ANK3: variants seen among roughly 807,000 people sequenced by gnomAD.
ANK3 encodes the protein ankyrin-3.
Under a neutral mutation model 370.9 loss-of-function variants are expected in ANK3, and 57 were observed. The observed-to-expected ratio is 0.15, with a 90% CI of 0.12 to 0.19. The LOEUF (loss-of-function observed/expected upper bound fraction) is 0.19, where lower values mean the gene tolerates loss of function less well. Ranked by LOEUF, ANK3 falls within the 10% of genes least tolerant of loss-of-function variation. ANK3 has a pLI of 1.00. For missense variants in ANK3, 4,439 were observed against 5,302.1 expected (o/e 0.84, Z 5.06); for synonymous variants, 1,929 against 1,946.3 (o/e 0.99, Z 0.23).
intron 1 of ANK3, among the ~76,000 whole-genome samples, chr10:60,682,053 G>A (rs1390458673): frequency 4.6e-5 from 7 of 152,104 alleles, no homozygotes; most frequent in Admixed American, 1.3e-4. Context: ...AGGCTGAGGC[G>A]AGAGGACTGC....
Position 60,600,592 on chromosome 10 carries a change from A to T in ANK3, c.96+14594T>A, listed in dbSNP as rs541917417. On this transcript the variant is annotated intron_variant, in intron 2 of 43. Coordinates refer to the ANK3 transcript ENST00000373827. Reference sequence around the variant, plus strand: ...CTCTGTGTCTCCCACTAGAAATATGAACCTTCTCATAGCAGGCATCTAATT... The same window carrying T: ...CTCTGTGTCTCCCACTAGAAATATGTACCTTCTCATAGCAGGCATCTAATT... 2.6e-5 allele frequency among the ~76,000 whole-genome samples: 4 copies of T among 152,320 alleles called. No homozygotes were observed. In the South Asian group the frequency reaches 6.2e-4, roughly 24 times the overall value.
intron 2 of ANK3, among the ~76,000 whole-genome samples, chr10:60,613,679 T>A (rs900933481): frequency 1.3e-5 from 2 of 151,870 alleles, no homozygotes; most frequent in African/African-American, 4.8e-5. Context: ...AATGTCAAAG[T>A]CTTACTAGAC....
intron 1 of ANK3, chr10:60,684,806 A>G: frequency 6.5e-7 from 1 of 1,540,478 alleles, no homozygotes; most frequent in Middle Eastern, 2.4e-4. Flanking sequence ...TTTCTTATGG[A>G]CTCTGTTGAT....
At chr10:60,188,164 A>C (rs1008354980) in intron 16 of ANK3, among the ~76,000 whole-genome samples, 1 of 152,232 alleles carries the variant, frequency 6.6e-6, no homozygotes, top group African/African-American at 2.4e-5. Context: ...TCAGGTTTTG[A>C]ATCAAGAGTA....
At chr10:60,656,961 A>T (rs2078873018) in intron 1 of ANK3, among the ~76,000 whole-genome samples, 1 of 151,804 alleles carries the variant, frequency 6.6e-6, no homozygotes, top group Non-Finnish European at 1.5e-5. Flanking sequence ...GTTTTAAGAG[A>T]TGTATTAGTC....
chr10:60,723,981 C>T (rs373692744), intron 1 of ANK3, among the ~76,000 whole-genome samples: 30 of 150,438 alleles, frequency 2.0e-4, no homozygotes, highest in South Asian at 1.5e-3. Context: ...GAGGCCGAGG[C>T]GGGCTGATCA....
At chr10:60,133,739 G>A (rs2094206723) in intron 25 of ANK3, among the ~76,000 whole-genome samples, 2 of 152,234 alleles carry the variant, frequency 1.3e-5, no homozygotes, top group South Asian at 4.1e-4. Flanking sequence ...TGGCCAACAT[G>A]GTGAAACCCC....
At chr10:60,195,538 C>T (rs754277549) in intron 16 of ANK3, among the ~76,000 whole-genome samples, 57 of 152,216 alleles carry the variant, frequency 3.7e-4, no homozygotes, top group Non-Finnish European at 5.9e-4. Context: ...CAATAGGAAG[C>T]TTATTAAACC....
At chr10:60,102,779 A>G (rs1353880398) in intron 28 of ANK3, among the ~76,000 whole-genome samples, 1 of 152,202 alleles carries the variant, frequency 6.6e-6, no homozygotes, top group African/African-American at 2.4e-5. Context: ...ACTGGTTATA[A>G]AAGTGGCATG....
chr10:60,227,167 T>C (rs1307492670), intron 8 of ANK3, among the ~76,000 whole-genome samples: 1 of 152,000 alleles, frequency 6.6e-6, no homozygotes, highest in African/African-American at 2.4e-5. Flanking sequence ...TAATTTTTAG[T>C]AGATATAAAT....
At chr10:60,046,551 T>TATTCATTGACTTAG (rs1011822862) in intron 42 of ANK3, among the ~76,000 whole-genome samples, 1 of 152,150 alleles carries the variant, frequency 6.6e-6, no homozygotes, top group African/African-American at 2.4e-5. Context: ...TACAAGTATG[T>TATTCATTGACTTAG]ATTCATTGAC....
At chr10:60,093,456 A>G (rs2132044199) in intron 28 of ANK3, among the ~76,000 whole-genome samples, 1 of 152,316 alleles carries the variant, frequency 6.6e-6, no homozygotes, top group South Asian at 2.1e-4. Context: ...GTATCCTGTG[A>G]GTATGAAATT....
At position 60,261,901 on chromosome 10, in the gene ANK3, C is replaced by T. The variant is rs117266082; in HGVS notation, c.756G>A (p.Thr252=). ...CAGCAGCCGCTCGGTTTAACAGCAA[C>T]GTGGCTACATTGATATTTCCATAGT... The part of the protein sequence containing the change: ...AAHYGNINVA[T]LLLNRAAAVD... The change falls in exon 7 of 44, where the codon ACG becomes ACA. Residue 252 remains threonine, a synonymous_variant. Coordinates refer to ENST00000280772, the MANE Select transcript of ANK3 (RefSeq NM_020987.5). 7,253 of 1,614,098 alleles carry T rather than the reference C, an allele frequency of 4.5e-3. 28 individuals carry two copies. Among genetic ancestry groups the T allele is most frequent in the Non-Finnish European group, 5.6e-3 (6,582 of 1,179,964 alleles).
At chr10:60,456,980 T>C (rs567024108) in intron 2 of ANK3, among the ~76,000 whole-genome samples, 2 of 152,268 alleles carry the variant, frequency 1.3e-5, no homozygotes, top group African/African-American at 2.4e-5. Flanking sequence ...CTATCAACTA[T>C]AGTTGGGACT....
intron 2 of ANK3, among the ~76,000 whole-genome samples, chr10:60,411,014 TC>T (rs769305411): frequency 6.6e-6 from 1 of 152,108 alleles, no homozygotes; most frequent in Non-Finnish European, 1.5e-5. Flanking sequence ...CTTTTTCTTC[TC>T]CTGGCTTTTG....
At chr10:60,646,648 T>C (rs187327415) in intron 1 of ANK3, among the ~76,000 whole-genome samples, 43 of 152,268 alleles carry the variant, frequency 2.8e-4, no homozygotes, top group Non-Finnish European at 5.1e-4. Context: ...GGTTTGATTA[T>C]AGGGCATAAA....
chr10:60,042,686 C>A lies in ANK3; in HGVS notation c.*5G>T. On this transcript the variant is annotated 3_prime_UTR_variant, in exon 43 of 44. Transcript: ENST00000280772. ...ACACACCTCACCTTGACTGACCGTTCGCTGTTACGAGTGGCTCTTCTTTTC... is the reference window on the plus strand; with the variant it reads ...ACACACCTCACCTTGACTGACCGTTAGCTGTTACGAGTGGCTCTTCTTTTC... 1 of 1,614,008 alleles carries A rather than the reference C, an allele frequency of 6.2e-7. No homozygotes were observed. The highest frequency in any genetic ancestry group is 8.5e-7 in the Non-Finnish European group (1 of 1,179,922).
chr10:60,660,833 A>C (rs1026151510), intron 1 of ANK3, among the ~76,000 whole-genome samples: 1 of 152,114 alleles, frequency 6.6e-6, no homozygotes, highest in Admixed American at 6.6e-5. Context: ...TGACTCTGTA[A>C]CAGTCATCTC....
At chr10:60,218,903 T>C (rs1027243400) in intron 8 of ANK3, among the ~76,000 whole-genome samples, 1 of 152,112 alleles carries the variant, frequency 6.6e-6, no homozygotes, top group Non-Finnish European at 1.5e-5. Context: ...ATTCTCCCCA[T>C]CTCCTTCTCA....
Sources: allele counts gnomAD v4.1 joint callset (sites outside exome capture counted in the v4.1 genomes callset), GRCh38; gene constraint gnomAD v4.1.1; transcripts MANE v1.5; gene names NCBI Gene and HGNC (gene_info 2026-07-23, HGNC 2026-07-21).